The following NCAM2 variants were observed in gnomAD, a reference collection of about 807,000 sequenced individuals.
The protein encoded by NCAM2 is N-CAM-2.
NCAM2 carries 30 observed loss-of-function variants against 98.1 expected under a neutral mutation model. That is an observed-to-expected ratio of 0.31 (90% confidence interval 0.23 to 0.41). The LOEUF is 0.41. NCAM2 is among the 10% of genes least tolerant of loss of function. NCAM2 has a pLI of 1.00. For synonymous variants in NCAM2, 368 were observed against 342.4 expected (o/e 1.07, Z -0.83); for missense variants, 867 against 1,005.8 (o/e 0.86, Z 1.87).
At position 21,066,417 on chromosome 21, in the gene NCAM2, T is replaced by TACAC. The variant is rs572958891; in HGVS notation, c.55+67811_55+67814dup. 4.7e-4 allele frequency among the ~76,000 whole-genome samples: 71 copies of TACAC among 151,402 alleles called. No homozygotes were observed. The South Asian group carries it at 1.0e-2, about 21-fold the overall frequency. ...TCTAAATGCAGTTTTTTATAACATA[T>TACAC]ACACACACACACACAGATATACACC... On this transcript the variant is annotated intron_variant, in intron 1 of 17. Transcript: ENST00000400546.
intron 15 of NCAM2, among the ~76,000 whole-genome samples, chr21:21,495,165 A>G (rs1987133652): frequency 6.6e-6 from 1 of 151,996 alleles, no homozygotes; most frequent in South Asian, 2.1e-4. Flanking sequence ...ATAAATATAT[A>G]GAGAATAGTT....
At chr21:21,251,144 A>G (rs1178563735) in intron 1 of NCAM2, among the ~76,000 whole-genome samples, 1 of 152,126 alleles carries the variant, frequency 6.6e-6, no homozygotes, top group African/African-American at 2.4e-5. Context: ...AACATAAGCC[A>G]GAATTATTAT....
intron 1 of NCAM2, among the ~76,000 whole-genome samples, chr21:21,121,063 G>C (rs1189831691): frequency 2.6e-5 from 4 of 152,092 alleles, no homozygotes; most frequent in African/African-American, 9.7e-5. Context: ...AGTTTATATT[G>C]TTCTTTATAT....
intron 5 of NCAM2, among the ~76,000 whole-genome samples, chr21:21,309,744 G>C (rs961114975): frequency 6.6e-6 from 1 of 152,108 alleles, no homozygotes; most frequent in Non-Finnish European, 1.5e-5. Flanking sequence ...TCCGCACTCA[G>C]AGAGACCTCT....
intron 9 of NCAM2, among the ~76,000 whole-genome samples, chr21:21,392,711 G>A (rs2076407005): frequency 6.6e-6 from 1 of 152,156 alleles, no homozygotes; most frequent in African/African-American, 2.4e-5. Flanking sequence ...GTGATATTGA[G>A]CTTTTTATCA....
chr21:21,047,977 A>G (rs778123637), intron 1 of NCAM2, among the ~76,000 whole-genome samples: 8 of 152,174 alleles, frequency 5.3e-5, no homozygotes, highest in Non-Finnish European at 1.2e-4. Flanking sequence ...CCCAAAATAT[A>G]TTTCCTTGGC....
chr21:21,157,562 A>G (rs1240637737), intron 1 of NCAM2, among the ~76,000 whole-genome samples: 1 of 152,202 alleles, frequency 6.6e-6, no homozygotes, highest in Non-Finnish European at 1.5e-5. Context: ...ACATTGTCAA[A>G]TAAATGAAGG....
At chr21:21,051,915 T>A (rs542709864) in intron 1 of NCAM2, among the ~76,000 whole-genome samples, 4 of 152,194 alleles carry the variant, frequency 2.6e-5, no homozygotes, top group Non-Finnish European at 5.9e-5. Context: ...TTTCCACAGT[T>A]ATTACTGTTG....
intron 1 of NCAM2, among the ~76,000 whole-genome samples, chr21:21,113,438 C>G (rs2066492893): frequency 6.6e-6 from 1 of 152,006 alleles, no homozygotes; most frequent in South Asian, 2.1e-4. Context: ...AAAATTGTAA[C>G]TGCATATTAG....
chr21:21,228,378 A>C (rs754313042), intron 1 of NCAM2, among the ~76,000 whole-genome samples: 2 of 151,692 alleles, frequency 1.3e-5, no homozygotes, highest in Admixed American at 1.3e-4. Context: ...AGTCTGCAGA[A>C]ACTCTTGAAT....
intron 1 of NCAM2, among the ~76,000 whole-genome samples, chr21:21,231,697 A>G (rs1181677931): frequency 6.6e-6 from 1 of 151,188 alleles, no homozygotes; most frequent in Non-Finnish European, 1.5e-5. Flanking sequence ...TTTGAGGGGA[A>G]CTCATAATGA....
intron 1 of NCAM2, among the ~76,000 whole-genome samples, chr21:21,119,638 A>T (rs983246008): frequency 2.0e-5 from 3 of 152,198 alleles, no homozygotes; most frequent in African/African-American, 7.2e-5. Flanking sequence ...CCAATTTAGG[A>T]AATAATGCAG....
rs992749495 is a variant in NCAM2, at chr21:21,154,242, A to G, written c.56-126336A>G. On this transcript the variant is annotated intron_variant, in intron 1 of 17. Transcript: ENST00000400546. ...TTATTTTATCTAGCATATCAATTAT[A>G]TGAGGAAAGAAACATTGTTATGGAA... 2.0e-5 allele frequency among the ~76,000 whole-genome samples: 3 copies of G among 152,048 alleles called. No homozygotes were observed. The East Asian group carries it at 5.8e-4, about 29-fold the overall frequency.
chr21:21,517,026 T>C (rs958949777), intron 16 of NCAM2, among the ~76,000 whole-genome samples: 6 of 152,208 alleles, frequency 3.9e-5, no homozygotes, highest in Non-Finnish European at 8.8e-5. Context: ...AGGATGCCTG[T>C]GTGTGTCTAT....
At chr21:21,393,496 A>T (rs1282626418) in intron 9 of NCAM2, among the ~76,000 whole-genome samples, 1 of 152,140 alleles carries the variant, frequency 6.6e-6, no homozygotes, top group African/African-American at 2.4e-5. Context: ...GTTTATTTTA[A>T]TTATTTTAAG....
chr21:21,234,944 A>C (rs1349374036), intron 1 of NCAM2, among the ~76,000 whole-genome samples: 2 of 152,042 alleles, frequency 1.3e-5, no homozygotes, highest in African/African-American at 4.8e-5. Context: ...CATCTTGTAC[A>C]TTTATAGTGC....
At chr21:21,432,352 T>C in intron 12 of NCAM2, 71 bp downstream of exon 12, 1 of 1,389,734 alleles carries the variant, frequency 7.2e-7, no homozygotes, top group Non-Finnish European at 9.9e-7. Context: ...GATTGGCTTT[T>C]TCGGTTTCCT....
chr21:21,350,669 A>G (rs232381), intron 8 of NCAM2, among the ~76,000 whole-genome samples: 68,922 of 152,036 alleles, frequency 0.45, 15,746 homozygotes, highest in East Asian at 0.59. Context: ...TTTTAAACTA[A>G]TGACTATTGT....
intron 15 of NCAM2, among the ~76,000 whole-genome samples, chr21:21,491,471 T>C (rs1165096070): frequency 6.6e-6 from 1 of 151,842 alleles, no homozygotes; most frequent in Non-Finnish European, 1.5e-5. Context: ...ATTCTGTGCT[T>C]ATCCACTGCA....
Sources: allele counts gnomAD v4.1 joint callset (sites outside exome capture counted in the v4.1 genomes callset), GRCh38; gene constraint gnomAD v4.1.1; transcripts MANE v1.5; gene names NCBI Gene and HGNC (gene_info 2026-07-23, HGNC 2026-07-21).